Variants in PTPRA observed in about 807,000 individuals in gnomAD.
PTPRA encodes receptor-type tyrosine-protein phosphatase alpha.
A neutral mutation model predicts 104.8 loss-of-function variants in PTPRA; 25 were observed. The ratio of observed to expected loss-of-function variants is 0.24; its 90% confidence interval spans 0.17 to 0.33. PTPRA has a LOEUF of 0.33. Among genes scored for constraint, PTPRA ranks in the 10% least tolerant of loss-of-function variants. PTPRA has a pLI of 1.00. For synonymous variants in PTPRA, 323 were observed against 368.9 expected (o/e 0.88, Z 1.43); for missense variants, 765 against 1,015.3 (o/e 0.75, Z 3.35).
intron 1 of PTPRA, among the ~76,000 whole-genome samples, chr20:2,910,596 T>TTG (rs1555801941): frequency 1.6e-5 from 2 of 126,762 alleles, no homozygotes; most frequent in Non-Finnish European, 3.2e-5. Flanking sequence ...TTTGTTTTTT[T>TTG]TTTGTTTTTT....
At chr20:2,960,673 A>G (rs1316448369) in intron 3 of PTPRA, among the ~76,000 whole-genome samples, 3 of 151,708 alleles carry the variant, frequency 2.0e-5, no homozygotes, top group South Asian at 4.2e-4. Flanking sequence ...AATAGCTGAG[A>G]CTACACACAC....
intron 2 of PTPRA, among the ~76,000 whole-genome samples, chr20:2,929,344 G>A (rs1208423240): frequency 6.6e-6 from 1 of 152,098 alleles, no homozygotes; most frequent in Non-Finnish European, 1.5e-5. Context: ...CATTGGCCCT[G>A]TAATACTCTT....
chr20:3,001,003 A>T (rs556687517), intron 9 of PTPRA, among the ~76,000 whole-genome samples: 70 of 151,936 alleles, frequency 4.6e-4, no homozygotes, highest in Non-Finnish European at 5.7e-4. Context: ...TGAAAAAAAA[A>T]TTTTTTTTTA....
intron 9 of PTPRA, among the ~76,000 whole-genome samples, chr20:2,998,648 G>A (rs1006996482): frequency 3.9e-5 from 6 of 152,088 alleles, no homozygotes; most frequent in Admixed American, 2.0e-4. Flanking sequence ...GACCTACCTT[G>A]GAAGGTAGTA....
intron 12 of PTPRA, among the ~76,000 whole-genome samples, chr20:3,016,552 A>T (rs1475304888): frequency 6.6e-6 from 1 of 152,236 alleles, no homozygotes; most frequent in African/African-American, 2.4e-5. Context: ...GTTCAAGATC[A>T]GCCTGGGCAA....
intron 9 of PTPRA, among the ~76,000 whole-genome samples, chr20:2,994,528 A>G (rs1175481436): frequency 6.6e-6 from 1 of 152,210 alleles, no homozygotes; most frequent in Non-Finnish European, 1.5e-5. Context: ...ACAGCCAGGA[A>G]AGCACTTCTG....
At chr20:2,894,221 C>CTG (rs1311840762) in intron 1 of PTPRA, among the ~76,000 whole-genome samples, 2 of 152,104 alleles carry the variant, frequency 1.3e-5, no homozygotes, top group Non-Finnish European at 2.9e-5. Flanking sequence ...GATTTTAAAA[C>CTG]TGGAGAATAC....
At chr20:2,866,376 G>T in the PTPRA span, 1 of 1,614,042 alleles carries the variant, frequency 6.2e-7, no homozygotes, top group South Asian at 1.1e-5. Context: ...TGAGAGGCAG[G>T]GTTTGTGCCC....
chr20:3,027,589 T>G, intron 19 of PTPRA, 118 bp from the exon 20 acceptor site: 1 of 1,364,196 alleles, frequency 7.3e-7, no homozygotes, highest in African/African-American at 1.5e-5. Flanking sequence ...ACAGGGGAGC[T>G]CTGCATGGGC....
the PTPRA span, among the ~76,000 whole-genome samples, chr20:2,868,075 C>A: frequency 1.3e-5 from 2 of 152,158 alleles, no homozygotes; most frequent in African/African-American, 4.8e-5. Context: ...AACTCACACA[C>A]TTGGTGAGTG....
At chr20:2,966,411 CTT>C (rs2061948710) in intron 5 of PTPRA, among the ~76,000 whole-genome samples, 1 of 152,200 alleles carries the variant, frequency 6.6e-6, no homozygotes, top group Non-Finnish European at 1.5e-5. Flanking sequence ...GGGTAAAGCA[CTT>C]ATAAAGGTGC....
intron 2 of PTPRA, among the ~76,000 whole-genome samples, chr20:2,947,765 T>C (rs1350818295): frequency 2.0e-5 from 3 of 152,210 alleles, no homozygotes; most frequent in East Asian, 1.9e-4. Flanking sequence ...CTTGGTGTCA[T>C]AGCCGCAGAA....
At chr20:2,891,352 A>G (rs893499418) in intron 1 of PTPRA, among the ~76,000 whole-genome samples, 1 of 152,212 alleles carries the variant, frequency 6.6e-6, no homozygotes, top group Non-Finnish European at 1.5e-5. Flanking sequence ...TTAACAGAGC[A>G]GGCCCTCATG....
At chr20:2,974,645 G>A (rs1051062483) in intron 5 of PTPRA, among the ~76,000 whole-genome samples, 2 of 152,050 alleles carry the variant, frequency 1.3e-5, no homozygotes, top group Admixed American at 1.3e-4. Context: ...GGCCAGGCTG[G>A]TCTCGAACTC....
chr20:2,923,416 A>T, intron 2 of PTPRA, 131 bp downstream of exon 2: 1 of 484,094 alleles, frequency 2.1e-6, no homozygotes, highest in Non-Finnish European at 3.2e-6. Context: ...TTTTTTTATT[A>T]TTATAAACAT....
intron 1 of PTPRA, among the ~76,000 whole-genome samples, chr20:2,908,891 T>C (rs77646362): frequency 6.6e-6 from 1 of 152,192 alleles, no homozygotes; most frequent in Non-Finnish European, 1.5e-5. Context: ...CAGTTATGCA[T>C]TAATAAAAAA....
intron 1 of PTPRA, among the ~76,000 whole-genome samples, chr20:2,887,525 T>C (rs2146923509): frequency 6.6e-6 from 1 of 152,148 alleles, no homozygotes; most frequent in Middle Eastern, 3.4e-3. Flanking sequence ...GGCATTAGGG[T>C]TCTAGATTTC....
At chr20:2,911,057 T>A (rs1273091305) in intron 1 of PTPRA, among the ~76,000 whole-genome samples, 2 of 151,922 alleles carry the variant, frequency 1.3e-5, no homozygotes, top group Non-Finnish European at 2.9e-5. Context: ...TGCCTGGCTA[T>A]CTTATAAATA....
chr20:2,951,678 A>G (rs1034219961), intron 3 of PTPRA, among the ~76,000 whole-genome samples: 2 of 152,174 alleles, frequency 1.3e-5, no homozygotes, highest in Non-Finnish European at 2.9e-5. Flanking sequence ...GCTCTTGCCC[A>G]TGTTTTCATC....
Sources: gnomAD v4.1 joint callset for allele counts (sites outside exome capture counted in the v4.1 genomes callset) on GRCh38, gnomAD v4.1.1 for gene constraint, MANE v1.5 for transcripts, NCBI Gene and HGNC (gene_info 2026-07-23, HGNC 2026-07-21) for gene names.